IQGAP2: variants seen among roughly 807,000 people sequenced by gnomAD.
The protein encoded by IQGAP2 is ras GTPase-activating-like protein IQGAP2.
Under a neutral mutation model 201.3 loss-of-function variants are expected in IQGAP2, and 173 were observed. That is an observed-to-expected ratio of 0.86 (90% CI 0.76 to 0.98). The LOEUF is 0.98. Ranked by LOEUF, IQGAP2 falls within the 50% of genes least tolerant of loss-of-function variation. The pLI is 0.00. For missense variants in IQGAP2, 1,687 were observed against 1,864.8 expected, an observed-to-expected ratio of 0.90 and a Z score of 1.76; for synonymous variants, 675 against 673.9, an observed-to-expected ratio of 1.00 and a Z score of -0.03.
chr5:76,618,293 TG>T (rs1458130687), intron 13 of IQGAP2: 1 of 1,614,184 alleles, frequency 6.2e-7, no homozygotes, highest in Non-Finnish European at 8.5e-7. Context: ...AAAGAAAATC[TG>T]CAATGGCCAG....
chr5:76,503,439 T>C (rs950270244), intron 2 of IQGAP2, among the ~76,000 whole-genome samples: 1 of 152,058 alleles, frequency 6.6e-6, no homozygotes, highest in Non-Finnish European at 1.5e-5. Context: ...TGTCCTAAAG[T>C]GCTGGGATTA....
intron 2 of IQGAP2, among the ~76,000 whole-genome samples, chr5:76,544,398 GCCGA>G (rs1480789849): frequency 6.6e-6 from 1 of 152,134 alleles, no homozygotes; most frequent in Non-Finnish European, 1.5e-5. Context: ...GCAGTTCCCA[GCCGA>G]CTTGGGGCCT....
At chr5:76,664,928 C>T in intron 21 of IQGAP2, 98 bp from the exon 22 acceptor site, 1 of 702,742 alleles carries the variant, frequency 1.4e-6, no homozygotes, top group Non-Finnish European at 2.4e-6. Context: ...TGAGGTATGC[C>T]TGTATTTCCA....
chr5:76,456,512 T>G (rs1754093886), intron 1 of IQGAP2, among the ~76,000 whole-genome samples: 1 of 152,346 alleles, frequency 6.6e-6, no homozygotes, highest in South Asian at 2.1e-4. Context: ...TTCTCTCATC[T>G]TTATATTCCA....
intron 30 of IQGAP2, among the ~76,000 whole-genome samples, chr5:76,685,087 G>C (rs1344027503): frequency 6.6e-6 from 1 of 152,178 alleles, no homozygotes; most frequent in Non-Finnish European, 1.5e-5. Context: ...AGCACAGTTC[G>C]ACAGTAGGAC....
intron 2 of IQGAP2, among the ~76,000 whole-genome samples, chr5:76,535,660 A>G (rs1759581066): frequency 6.6e-6 from 1 of 152,208 alleles, no homozygotes; most frequent in Non-Finnish European, 1.5e-5. Flanking sequence ...AAGGCTGATG[A>G]TGACTCCTGT....
chr5:76,591,585 AG>A (rs371050701), intron 8 of IQGAP2, among the ~76,000 whole-genome samples: 107 of 152,296 alleles, frequency 7.0e-4, no homozygotes, highest in Middle Eastern at 3.4e-3. Flanking sequence ...AGCATCTGGC[AG>A]GGTTGGCCTC....
At chr5:76,479,266 C>A (rs1363628510) in intron 2 of IQGAP2, among the ~76,000 whole-genome samples, 1 of 152,166 alleles carries the variant, frequency 6.6e-6, no homozygotes, top group South Asian at 2.1e-4. Context: ...TGCACGGGGC[C>A]TGTGCAGAAT....
intron 35 of IQGAP2, among the ~76,000 whole-genome samples, chr5:76,706,408 T>A (rs893257378): frequency 6.6e-6 from 1 of 152,166 alleles, no homozygotes; most frequent in East Asian, 1.9e-4. Context: ...AGTACAGCAG[T>A]GCAATCTCGG....
chr5:76,604,128 A>T (rs1747625241), intron 11 of IQGAP2, among the ~76,000 whole-genome samples: 1 of 151,880 alleles, frequency 6.6e-6, no homozygotes, highest in African/African-American at 2.4e-5. Flanking sequence ...TTCCTCCCCT[A>T]GTTCCCCACC....
At chr5:76,599,360 C>T (rs994029266) in intron 10 of IQGAP2, among the ~76,000 whole-genome samples, 13 of 152,166 alleles carry the variant, frequency 8.5e-5, no homozygotes, top group Admixed American at 8.5e-4. Flanking sequence ...CTCTGAAGCT[C>T]AAGGCTACTT....
At chr5:76,629,874 T>C (rs1750557660) in intron 14 of IQGAP2, among the ~76,000 whole-genome samples, 1 of 152,160 alleles carries the variant, frequency 6.6e-6, no homozygotes, top group Admixed American at 6.5e-5. Flanking sequence ...TACCTGACTT[T>C]CTGGAGTGAA....
intron 5 of IQGAP2, among the ~76,000 whole-genome samples, chr5:76,582,719 A>G (rs1229735891): frequency 6.6e-6 from 1 of 152,218 alleles, no homozygotes; most frequent in Non-Finnish European, 1.5e-5. Context: ...GAAAAAACTA[A>G]TGCCATGTGA....
At chr5:76,508,202 C>T (rs148035986) in intron 2 of IQGAP2, among the ~76,000 whole-genome samples, 2 of 151,140 alleles carry the variant, frequency 1.3e-5, no homozygotes, top group East Asian at 4.0e-4. Context: ...GGCATGGTGG[C>T]ACATGACTAT....
Position 76,471,374 on chromosome 5 carries a change from A to AAAC in IQGAP2, c.146+9707_146+9708insCAA, listed in dbSNP as rs781198147. Among the ~76,000 whole-genome samples the AAAC allele has an allele frequency of 5.9e-3, 620 of 104,282 alleles. 11 individuals carry two copies. The highest frequency in any genetic ancestry group is 0.018 in the African/African-American group (577 of 31,244). The allele number at this position is 104,282 out of a possible 152,430, so 68.4% of individuals were successfully genotyped here. ...TGAAAATAAACTAAGCAAAAAAAAA[A>AAAC]AAAAAAAAAAAACACCCTTCCCTTG... On this transcript the variant is annotated intron_variant, in intron 2 of 35. Coordinates refer to ENST00000274364, the MANE Select transcript of IQGAP2 (RefSeq NM_006633.5).
intron 5 of IQGAP2, among the ~76,000 whole-genome samples, chr5:76,578,319 C>CTT (rs77800513): frequency 4.7e-5 from 7 of 148,376 alleles, no homozygotes; most frequent in African/African-American, 1.7e-4. Context: ...TGGATGGCAT[C>CTT]TTTTTTTTTT....
intron 16 of IQGAP2, among the ~76,000 whole-genome samples, chr5:76,639,631 A>G (rs1480142524): frequency 6.6e-6 from 1 of 152,226 alleles, no homozygotes; most frequent in Non-Finnish European, 1.5e-5. Context: ...AAGAACACAT[A>G]TCTTATAGAA....
At chr5:76,674,995 T>C (rs536128753) in intron 27 of IQGAP2, among the ~76,000 whole-genome samples, 33 of 152,352 alleles carry the variant, frequency 2.2e-4, no homozygotes, top group African/African-American at 7.7e-4. Context: ...CTTCCTTGTA[T>C]GCTACAGGCT....
chr5:76,646,348 A>AT (rs1255607927), intron 17 of IQGAP2, among the ~76,000 whole-genome samples: 2 of 152,168 alleles, frequency 1.3e-5, no homozygotes, highest in Non-Finnish European at 2.9e-5. Context: ...TTAATTTAAA[A>AT]TTTTTTATTT....
Sources: allele counts gnomAD v4.1 joint callset (sites outside exome capture counted in the v4.1 genomes callset), GRCh38; gene constraint gnomAD v4.1.1; transcripts MANE v1.5; gene names NCBI Gene and HGNC (gene_info 2026-07-23, HGNC 2026-07-21).